Variants in ETFDH observed in about 807,000 individuals in gnomAD.
ETFDH encodes the protein electron transfer flavoprotein-ubiquinone oxidoreductase, mitochondrial.
In ETFDH, 61 loss-of-function variants were observed where a neutral mutation model predicts 73.2. The observed-to-expected ratio is 0.83, with a 90% confidence interval of 0.68 to 1.03. ETFDH has a LOEUF of 1.03. Ranked by LOEUF, ETFDH falls within the 50% of genes least tolerant of loss-of-function variation. The pLI is 0.00. For synonymous variants in ETFDH, 243 were observed against 253.3 expected (o/e 0.96, Z 0.39); for missense variants, 685 against 745.0 (o/e 0.92, Z 0.94).
chr4:158,693,635 A>G (rs1027037449), intron 6 of ETFDH, among the ~76,000 whole-genome samples: 1 of 152,252 alleles, frequency 6.6e-6, no homozygotes, highest in African/African-American at 2.4e-5. Context: ...GGTGATTTAA[A>G]GATCTAAAAC....
At chr4:158,707,775 G>A (rs1160424635) in intron 12 of ETFDH, among the ~76,000 whole-genome samples, 1 of 152,192 alleles carries the variant, frequency 6.6e-6, no homozygotes, top group Non-Finnish European at 1.5e-5. Flanking sequence ...TAAGTGAAAG[G>A]AGAAAGTTCT....
At chr4:158,695,212 G>C (rs959461061) in intron 6 of ETFDH, among the ~76,000 whole-genome samples, 1 of 152,156 alleles carries the variant, frequency 6.6e-6, no homozygotes, top group Non-Finnish European at 1.5e-5. Context: ...TGGCAGAGGA[G>C]CTGGATAATC....
intron 1 of ETFDH, among the ~76,000 whole-genome samples, chr4:158,673,665 T>C (rs75829254): frequency 0.012 from 1,773 of 152,354 alleles, 26 homozygotes; most frequent in African/African-American, 0.038. Context: ...TTTGCTGCAC[T>C]TAATGTATGG....
At chr4:158,680,753 C>T (rs1580395135) in intron 2 of ETFDH, 146 bp downstream of exon 2, 1 of 698,722 alleles carries the variant, frequency 1.4e-6, no homozygotes, top group Non-Finnish European at 2.5e-6. Context: ...CATAATGACC[C>T]TTCAGTCAAC....
intron 5 of ETFDH, among the ~76,000 whole-genome samples, chr4:158,687,998 C>G (rs1774050299): frequency 6.6e-6 from 1 of 152,088 alleles, no homozygotes; most frequent in Non-Finnish European, 1.5e-5. Flanking sequence ...CGAGATCATG[C>G]CACTGCACTC....
intron 5 of ETFDH, among the ~76,000 whole-genome samples, chr4:158,689,842 T>C (rs1408733681): frequency 6.6e-6 from 1 of 151,694 alleles, no homozygotes; most frequent in Non-Finnish European, 1.5e-5. Flanking sequence ...TTTGACCTAT[T>C]TTCCCCTTTT....
At chr4:158,692,947 A>G (rs1216987912) in intron 6 of ETFDH, among the ~76,000 whole-genome samples, 2 of 151,106 alleles carry the variant, frequency 1.3e-5, no homozygotes, top group Non-Finnish European at 2.9e-5. Context: ...AAAAACGTTT[A>G]CATTTTGTAT....
Position 158,706,672 on chromosome 4 carries a change from T to C in ETFDH, c.1512T>C (p.Pro504=), listed in dbSNP as rs940960964. 2.5e-6 allele frequency: 4 copies of C among 1,614,076 alleles called. No individual in the cohort carries two copies. In the African/African-American group the frequency reaches 4.0e-5, roughly 16 times the overall value. The change falls in exon 12 of 13, where the codon CCT becomes CCC. Residue 504 remains proline (P), a synonymous_variant. Coordinates refer to ENST00000511912, the MANE Select transcript of ETFDH (RefSeq NM_004453.4). ...ERLKPAKDCT[P]IEYPKPDGQI... ...TCAAGCCAGCCAAGGATTGCACACC[T>C]ATTGAGTATCCAAAACCCGATGGAC...
chr4:158,706,578 A>T, intron 11 of ETFDH, 51 bp from the exon 12 acceptor site: 1 of 1,466,378 alleles, frequency 6.8e-7, no homozygotes, highest in Non-Finnish European at 9.6e-7. Flanking sequence ...GCTTAAGAAA[A>T]AGTACTTCAA....
intron 1 of ETFDH, among the ~76,000 whole-genome samples, chr4:158,677,880 C>A: frequency 6.6e-6 from 1 of 152,134 alleles, no homozygotes; most frequent in African/African-American, 2.4e-5. Flanking sequence ...TGGTTGGGGG[C>A]CTTAGAATTT....
intron 1 of ETFDH, among the ~76,000 whole-genome samples, chr4:158,675,521 T>G (rs1773689276): frequency 6.6e-6 from 1 of 152,060 alleles, no homozygotes; most frequent in African/African-American, 2.4e-5. Context: ...AATCCCAGCG[T>G]TTTGGGAGGC....
intron 8 of ETFDH, among the ~76,000 whole-genome samples, chr4:158,698,158 A>T (rs1231702956): frequency 6.6e-6 from 1 of 152,224 alleles, no homozygotes; most frequent in Admixed American, 6.5e-5. Flanking sequence ...TAAAAATACC[A>T]GCAGTTTCTC....
chr4:158,673,004 G>A (rs1773616770), intron 1 of ETFDH, among the ~76,000 whole-genome samples: 1 of 152,118 alleles, frequency 6.6e-6, no homozygotes. Context: ...CAGTTTTTCT[G>A]CGTTGTCTAA....
chr4:158,695,358 T>C (rs567317702), intron 6 of ETFDH, 139 bp from the exon 7 acceptor site: 27 of 589,082 alleles, frequency 4.6e-5, no homozygotes, highest in African/African-American at 4.5e-4. Context: ...ATTATATATT[T>C]ACTATGTGAT....
intron 9 of ETFDH, among the ~76,000 whole-genome samples, chr4:158,700,255 G>A (rs1774421411): frequency 6.6e-6 from 1 of 151,956 alleles, no homozygotes; most frequent in Non-Finnish European, 1.5e-5. Flanking sequence ...TTAAAATAAT[G>A]CTGTCCCCAA....
Position 158,708,318 on chromosome 4 carries a change from T to C in ETFDH, c.1691-46T>C, listed in dbSNP as rs746380258. On this transcript the variant is annotated intron_variant, in intron 12 of 12. Transcript: ENST00000511912. ...TAATTTTTACTTTTGAATTTAAAAA[T>C]TTTTTAAAGTTAGGCACTTCAATAT... 1.3e-5 allele frequency: 19 copies of C among 1,464,138 alleles called. No individual in the cohort carries two copies. The South Asian group carries it at 2.3e-4, about 17-fold the overall frequency. The allele number at this position is 1,464,138 out of a possible 1,614,324, so 90.7% of individuals were successfully genotyped here. A position where few individuals can be genotyped will look rare whatever the true frequency, so the allele number is the denominator to read the frequency against.
chr4:158,679,902 T>A (rs1171319206), intron 1 of ETFDH: 5 of 148,652 alleles, frequency 3.4e-5, no homozygotes, highest in Admixed American at 2.7e-4. Flanking sequence ...CAAAACCGCA[T>A]CTCTACTAAA....
chr4:158,679,390 T>G (rs1174455835), intron 1 of ETFDH: 5 of 152,158 alleles, frequency 3.3e-5, no homozygotes, highest in Admixed American at 3.3e-4. Flanking sequence ...ACGGGAGAGA[T>G]AAGCCTTCTC....
chr4:158,674,106 T>A (rs1205032578), intron 1 of ETFDH, among the ~76,000 whole-genome samples: 1 of 152,224 alleles, frequency 6.6e-6, no homozygotes, highest in East Asian at 1.9e-4. Context: ...CAGTCATCAG[T>A]TTTCAGAAGT....
Sources: gnomAD v4.1 joint callset for allele counts (sites outside exome capture counted in the v4.1 genomes callset) on GRCh38, gnomAD v4.1.1 for gene constraint, MANE v1.5 for transcripts, NCBI Gene and HGNC (gene_info 2026-07-23, HGNC 2026-07-21) for gene names.